Variants in PHYHIPL observed in about 807,000 individuals in gnomAD.
PHYHIPL encodes the protein phytanoyl-CoA hydroxylase-interacting protein-like.
Under a neutral mutation model 33.4 loss-of-function variants are expected in PHYHIPL, and 9 were observed. The ratio of observed to expected loss-of-function variants is 0.27; its 90% CI spans 0.16 to 0.47. The LOEUF is 0.47. PHYHIPL is among the 20% of genes least tolerant of loss of function. The probability of loss-of-function intolerance (pLI) is 0.99; values close to 1 mark genes in which losing one functional copy is unlikely to be tolerated. For missense variants in PHYHIPL, 365 were observed against 460.7 expected, an observed-to-expected ratio of 0.79 and a Z score of 1.90; for synonymous variants, 153 against 154.1, an observed-to-expected ratio of 0.99 and a Z score of 0.05.
Position 59,176,780 on chromosome 10 carries a change from C to A in PHYHIPL, c.-74C>A. Reference sequence around the variant, plus strand: ...CCTCTGCCACTCCCCCTCCCTTTCCCGCTCTTCTTGCCCACCCGGCCGGCA... The same window carrying A: ...CCTCTGCCACTCCCCCTCCCTTTCCAGCTCTTCTTGCCCACCCGGCCGGCA... On this transcript the variant is annotated 5_prime_UTR_variant, in exon 1 of 5. Coordinates refer to ENST00000373880, the MANE Select transcript of PHYHIPL (RefSeq NM_032439.4). 7.3e-7 allele frequency: 1 copy of A among 1,369,784 alleles called. No individual in the cohort carries two copies. Among genetic ancestry groups the A allele is most frequent in the Non-Finnish European group, 1.0e-6 (1 of 990,902 alleles). The allele number at this position is 1,369,784 out of a possible 1,614,324, so 84.9% of individuals were successfully genotyped here. A position where few individuals can be genotyped will look rare whatever the true frequency, so the allele number is the denominator to read the frequency against.
chr10:59,234,955 T>A (rs1840181175), intron 2 of PHYHIPL, among the ~76,000 whole-genome samples: 1 of 151,834 alleles, frequency 6.6e-6, no homozygotes, highest in African/African-American at 2.4e-5. Flanking sequence ...CAAGAAGAAC[T>A]GAATTGTTAC....
chr10:59,177,553 G>T, intron 1 of PHYHIPL: 1 of 1,551,696 alleles, frequency 6.4e-7, no homozygotes, highest in Non-Finnish European at 8.7e-7. Context: ...ATGGTTCCTG[G>T]GCTCTGAGTC....
intron 2 of PHYHIPL, among the ~76,000 whole-genome samples, chr10:59,235,617 A>G (rs965547438): frequency 1.3e-5 from 2 of 151,898 alleles, no homozygotes; most frequent in Admixed American, 1.3e-4. Flanking sequence ...AGTTCTGATT[A>G]TGCTTTCAGT....
At chr10:59,225,592 G>A (rs1397627187) in intron 1 of PHYHIPL, among the ~76,000 whole-genome samples, 2 of 152,124 alleles carry the variant, frequency 1.3e-5, no homozygotes, top group Non-Finnish European at 2.9e-5. Context: ...GTCAGACCAG[G>A]CAGAATACTG....
chr10:59,176,645 A>T lies in PHYHIPL; in HGVS notation c.-209A>T. ...CGCCGGGTCCTGCTCGGTCTCTCAG[A>T]GCCGCACACTCCGCGGAGCTCCTGC... On this transcript the variant is annotated 5_prime_UTR_variant, in exon 1 of 5. Transcript: ENST00000373880. 1.9e-6 allele frequency: 1 copy of T among 524,024 alleles called. No homozygotes were observed. Among genetic ancestry groups the T allele is most frequent in the Admixed American group, 3.7e-5 (1 of 27,330 alleles). 32.5% of individuals were successfully genotyped at this position (524,024 alleles called of 1,614,324 possible).
At chr10:59,201,902 T>C (rs1839130891) in intron 1 of PHYHIPL, among the ~76,000 whole-genome samples, 2 of 152,108 alleles carry the variant, frequency 1.3e-5, no homozygotes, top group Admixed American at 1.3e-4. Context: ...CAGAGAAATA[T>C]ATAGGAAGTT....
intron 1 of PHYHIPL, among the ~76,000 whole-genome samples, chr10:59,215,540 C>T (rs913072967): frequency 1.3e-5 from 2 of 151,766 alleles, no homozygotes; most frequent in Non-Finnish European, 2.9e-5. Context: ...GAAATAATTG[C>T]GACAAGACGG....
At chr10:59,175,625 G>A (rs1194998770), upstream of PHYHIPL, among the ~76,000 whole-genome samples, 1 of 152,206 alleles carries the variant, frequency 6.6e-6, no homozygotes, top group Non-Finnish European at 1.5e-5. Flanking sequence ...AATAGGCTGT[G>A]ACCTCTATTT....
At chr10:59,177,022 T>C in intron 1 of PHYHIPL, 63 bp downstream of exon 1, 2 of 1,443,408 alleles carry the variant, frequency 1.4e-6, no homozygotes, top group Non-Finnish European at 1.9e-6. Context: ...GGGGCCACTC[T>C]GGCTCCGCCG....
intron 1 of PHYHIPL, among the ~76,000 whole-genome samples, chr10:59,198,268 G>A (rs941329967): frequency 4.7e-5 from 7 of 149,444 alleles, no homozygotes; most frequent in African/African-American, 1.7e-4. Context: ...TGTTCTCATT[G>A]TTCAATTCCC....
chr10:59,222,744 A>T (rs568814012), intron 1 of PHYHIPL, among the ~76,000 whole-genome samples: 1 of 151,772 alleles, frequency 6.6e-6, no homozygotes, highest in Non-Finnish European at 1.5e-5. Context: ...AAAAAAATTC[A>T]TTAAAGATTA....
At chr10:59,188,166 T>C (rs1036611357) in intron 1 of PHYHIPL, among the ~76,000 whole-genome samples, 1 of 152,248 alleles carries the variant, frequency 6.6e-6, no homozygotes, top group African/African-American at 2.4e-5. Context: ...GTATGTTGTG[T>C]CTTTGTTCTC....
At chr10:59,204,868 T>G (rs1318072666) in intron 1 of PHYHIPL, among the ~76,000 whole-genome samples, 2 of 151,336 alleles carry the variant, frequency 1.3e-5, no homozygotes, top group Admixed American at 6.6e-5. Context: ...ATAAAGTTTT[T>G]TTTTTTTTTT....
chr10:59,187,041 C>G (rs557945376), intron 1 of PHYHIPL, among the ~76,000 whole-genome samples: 2 of 152,260 alleles, frequency 1.3e-5, no homozygotes, highest in Non-Finnish European at 2.9e-5. Context: ...TGTCTTGTAC[C>G]AGTTTTCAAA....
rs142735682 is a variant in PHYHIPL, at chr10:59,176,890, C to G, written c.37C>G (p.Pro13Ala). ...GCGCCTGGATCATGCCCTCAACAGC[C>G]CCACCAGCCCCTGTGAGGAGGTGAT... ...VPRLDHALNSPTSPCEEVIKN... is the reference protein window; with the variant it reads ...VPRLDHALNSATSPCEEVIKN... The change falls in exon 1 of 5, where the codon CCC becomes GCC. Residue 13 changes from proline (P) to alanine (A), a missense_variant. Transcript: ENST00000373880. 1.9e-6 allele frequency: 3 copies of G among 1,613,674 alleles called. No individual in the cohort carries two copies. The highest frequency in any genetic ancestry group is 2.5e-6 in the Non-Finnish European group (3 of 1,179,816).
chr10:59,183,989 C>G (rs532069379), intron 1 of PHYHIPL, among the ~76,000 whole-genome samples: 39 of 152,200 alleles, frequency 2.6e-4, no homozygotes, highest in African/African-American at 9.4e-4. Context: ...GTCTCATCTT[C>G]CATGAATTTG....
At chr10:59,188,059 A>G (rs1441754083) in intron 1 of PHYHIPL, among the ~76,000 whole-genome samples, 8 of 151,858 alleles carry the variant, frequency 5.3e-5, no homozygotes, top group African/African-American at 1.9e-4. Flanking sequence ...TGTGATGTTA[A>G]GGTGTCAATT....
At chr10:59,184,250 C>T (rs1006716506) in intron 1 of PHYHIPL, among the ~76,000 whole-genome samples, 1 of 152,198 alleles carries the variant, frequency 6.6e-6, no homozygotes, top group African/African-American at 2.4e-5. Context: ...TGTTTACATA[C>T]TGTCTATGGC....
rs752940601 is a variant in PHYHIPL at position 59,176,908 on chromosome 10, G to A, written c.55G>A (p.Glu19Lys). The change falls in exon 1 of 5, where the codon GAG (glutamate) becomes AAG (lysine). Residue 19 changes from glutamate (E) to lysine (K), a missense_variant. Around this residue, in one of 4 missense-constraint regions of PHYHIPL, gnomAD observed 89 missense variants for 78.3 expected, o/e 1.14. Coordinates refer to ENST00000373880, the MANE Select transcript of PHYHIPL (RefSeq NM_032439.4). The part of the protein sequence containing the change: ...ALNSPTSPCE[E>K]VIKNLSLEAI... ...CAACAGCCCCACCAGCCCCTGTGAG[G>A]AGGTGATCAAAAACCTCAGCCTGGA... 6.2e-7 allele frequency: 1 copy of A among 1,613,792 alleles called. No homozygotes were observed. Among genetic ancestry groups the A allele is most frequent in the Non-Finnish European group, 8.5e-7 (1 of 1,179,862 alleles).
Sources: gnomAD v4.1 joint callset for allele counts (sites outside exome capture counted in the v4.1 genomes callset) on GRCh38, gnomAD v4.1.1 for gene constraint, gnomAD v4.1.1 regional missense constraint, MANE v1.5 for transcripts, NCBI Gene and HGNC (gene_info 2026-07-23, HGNC 2026-07-21) for gene names.